The following MAP7 variants were observed in gnomAD, a reference collection of about 807,000 sequenced individuals.
MAP7 encodes the protein microtubule associated protein 7.
MAP7 carries 52 observed loss-of-function variants against 94.8 expected under a neutral mutation model. The observed-to-expected ratio is 0.55, with a 90% CI of 0.44 to 0.69. MAP7 has a LOEUF of 0.69. MAP7 is among the 30% of genes least tolerant of loss of function. The probability of loss-of-function intolerance (pLI) is 0.00; values close to 1 mark genes in which losing one functional copy is unlikely to be tolerated. For missense variants in MAP7, 940 were observed against 964.6 expected (o/e 0.97, Z 0.34); for synonymous variants, 350 against 357.0 (o/e 0.98, Z 0.22).
chr6:136,482,600 C>CA (rs372638079), intron 1 of MAP7, among the ~76,000 whole-genome samples: 2,201 of 120,144 alleles, frequency 0.018, 17 homozygotes, highest in East Asian at 0.056. Flanking sequence ...GGCTCCATCT[C>CA]AAAAAAAAAA....
chr6:136,448,244 A>T (rs930158414), intron 1 of MAP7, among the ~76,000 whole-genome samples: 7 of 152,190 alleles, frequency 4.6e-5, no homozygotes, highest in African/African-American at 1.7e-4. Context: ...GGAATAAGTC[A>T]ATTCTGGGAA....
At chr6:136,431,091 T>C (rs1259478691) in intron 1 of MAP7, among the ~76,000 whole-genome samples, 3 of 152,196 alleles carry the variant, frequency 2.0e-5, no homozygotes, top group Admixed American at 2.0e-4. Flanking sequence ...TGTAGTAACA[T>C]GTAGAATTCA....
chr6:136,482,390 G>A (rs1813123269), intron 1 of MAP7, among the ~76,000 whole-genome samples: 1 of 152,170 alleles, frequency 6.6e-6, no homozygotes, highest in South Asian at 2.1e-4. Context: ...CCTGAGGTCA[G>A]GAGTTCGAGA....
chr6:136,474,007 C>T (rs1809971646), intron 1 of MAP7, among the ~76,000 whole-genome samples: 1 of 151,132 alleles, frequency 6.6e-6, no homozygotes, highest in Admixed American at 6.6e-5. Flanking sequence ...TGGGGGTGGT[C>T]AGGGAGGGCC....
At chr6:136,367,781 G>A (rs950293807) in intron 8 of MAP7, among the ~76,000 whole-genome samples, 1 of 152,212 alleles carries the variant, frequency 6.6e-6, no homozygotes, top group African/African-American at 2.4e-5. Flanking sequence ...GGTATCAAAA[G>A]CTGCAGCCAC....
At chr6:136,490,021 T>C (rs908276474) in intron 1 of MAP7, among the ~76,000 whole-genome samples, 1 of 152,192 alleles carries the variant, frequency 6.6e-6, no homozygotes. Flanking sequence ...CAAGATAGCC[T>C]GTGAGTTTGT....
At chr6:136,516,959 G>GAA (rs1360090720) in intron 1 of MAP7, among the ~76,000 whole-genome samples, 1 of 125,444 alleles carries the variant, frequency 8.0e-6, no homozygotes, top group Non-Finnish European at 1.6e-5. Context: ...ACATCAGAAG[G>GAA]AAAAAAAAAC....
intron 3 of MAP7, among the ~76,000 whole-genome samples, chr6:136,400,031 G>A (rs989227868): frequency 6.6e-6 from 1 of 152,026 alleles, no homozygotes; most frequent in African/African-American, 2.4e-5. Context: ...AGATAACCAT[G>A]GAATGAATGG....
intron 5 of MAP7, among the ~76,000 whole-genome samples, chr6:136,386,656 T>C (rs1282372172): frequency 6.6e-6 from 1 of 152,214 alleles, no homozygotes; most frequent in Non-Finnish European, 1.5e-5. Context: ...CAAAATCTCA[T>C]ATGTAAATGA....
chr6:136,378,885 TAA>T (rs1333528170), intron 6 of MAP7, among the ~76,000 whole-genome samples: 3 of 152,224 alleles, frequency 2.0e-5, no homozygotes. Flanking sequence ...CTGTCACTTT[TAA>T]AAGTTTTGTT....
intron 1 of MAP7, among the ~76,000 whole-genome samples, chr6:136,458,689 T>C (rs1270448391): frequency 1.3e-5 from 2 of 152,068 alleles, no homozygotes; most frequent in South Asian, 2.1e-4. Flanking sequence ...CTTTAACAAA[T>C]AATGCTGGAA....
intron 1 of MAP7, among the ~76,000 whole-genome samples, chr6:136,523,908 AAAC>A (rs770914115): frequency 1.3e-5 from 2 of 152,132 alleles, no homozygotes; most frequent in Non-Finnish European, 2.9e-5. Context: ...AACTAAACAA[AAAC>A]AACAACAGGA....
At position 136,469,083 on chromosome 6, in the gene MAP7, G is replaced by A. The variant is rs1452663380; in HGVS notation, c.68-47284C>T. The stretch of plus-strand genomic sequence containing the variant: ...AAAGAGAATAAAGGTTTTTGTATAC[G>A]ACAAGTGGCTCAAGCCAATTTCTCT... On this transcript the variant is annotated intron_variant, in intron 1 of 17. Coordinates refer to ENST00000354570, the MANE Select transcript of MAP7 (RefSeq NM_003980.6). Among the ~76,000 whole-genome samples, 7 of 151,936 alleles carry A rather than the reference G, an allele frequency of 4.6e-5. No individual in the cohort carries two copies. In the East Asian group the frequency reaches 1.2e-3, roughly 25 times the overall value.
intron 1 of MAP7, among the ~76,000 whole-genome samples, chr6:136,547,334 C>A (rs1452306361): frequency 6.6e-6 from 1 of 151,740 alleles, no homozygotes; most frequent in East Asian, 1.9e-4. Context: ...ATGAATTAAT[C>A]AAAAGCAGCT....
In MAP7 at chr6:136,360,788, T is replaced by G. The variant is rs181208871; in HGVS notation, c.1712A>C (p.Glu571Ala). The change falls in exon 13 of 18, where the codon GAA becomes GCA. Residue 571 changes from glutamate (E) to alanine (A), a missense_variant. Physicochemically the swap from Glu to Ala is moderately radical, Grantham distance 107 (BLOSUM62 -1). Coordinates refer to ENST00000354570, the MANE Select transcript of MAP7 (RefSeq NM_003980.6). ...AERAQRQKEEEARVREEAERV... is the reference protein window; with the variant it reads ...AERAQRQKEEAARVREEAERV... ...CTCTGCTTCTTCACGAACGCGAGCT[T>G]CTTCTTCTTTCTGAAAACAGAAGGT... 1.8e-3 allele frequency: 2,833 copies of G among 1,601,992 alleles called. 7 individuals carry two copies. Among genetic ancestry groups the G allele is most frequent in the African/African-American group, 2.2e-3 (142 of 65,306 alleles).
chr6:136,450,604 G>A (rs1800803318), intron 1 of MAP7, among the ~76,000 whole-genome samples: 1 of 151,998 alleles, frequency 6.6e-6, no homozygotes, highest in Admixed American at 6.6e-5. Flanking sequence ...GACCAACATG[G>A]AGAAACCCCA....
In MAP7 at chr6:136,366,445, T is replaced by G; in HGVS notation, c.877-6A>C. On this transcript the variant is annotated splice_polypyrimidine_tract_variant and splice_region_variant and intron_variant, in intron 8 of 17. Transcript: ENST00000354570. ...TCTCTTTCTTTTTTATAGCTCTAAG[T>G]TCAGAGAAACTCAATAGTTAGATTT... is the stretch of plus-strand genomic sequence containing the variant. 6.3e-7 allele frequency: 1 copy of G among 1,588,456 alleles called. No individual in the cohort carries two copies. The highest frequency in any genetic ancestry group is 1.3e-5 in the African/African-American group (1 of 74,514).
chr6:136,481,635 G>C (rs1434363863), intron 1 of MAP7, among the ~76,000 whole-genome samples: 1 of 152,144 alleles, frequency 6.6e-6, no homozygotes, highest in Non-Finnish European at 1.5e-5. Flanking sequence ...GTGGTGGTGG[G>C]GATGGAGGGA....
intron 1 of MAP7, among the ~76,000 whole-genome samples, chr6:136,514,974 G>A (rs756135850): frequency 3.3e-5 from 5 of 152,174 alleles, no homozygotes; most frequent in African/African-American, 7.2e-5. Flanking sequence ...GTCTATCAAC[G>A]TCCTAGATGG....
Sources: allele counts gnomAD v4.1 joint callset (sites outside exome capture counted in the v4.1 genomes callset), GRCh38; gene constraint gnomAD v4.1.1; transcripts MANE v1.5; gene names NCBI Gene and HGNC (gene_info 2026-07-23, HGNC 2026-07-21).